Variants in TARS1 observed in about 807,000 individuals in gnomAD.
TARS1 encodes the protein threonyl-tRNA synthetase 1, also known as threonine--tRNA ligase 1, cytoplasmic.
In TARS1, 57 loss-of-function variants were observed where a neutral mutation model predicts 97.7. That is an observed-to-expected ratio of 0.58 (90% CI 0.47 to 0.73). TARS1 has a LOEUF of 0.73. Ranked by LOEUF, TARS1 falls within the 30% of genes least tolerant of loss-of-function variation. The pLI is 0.00. For synonymous variants in TARS1, 312 were observed against 293.7 expected (o/e 1.06, Z -0.64); for missense variants, 806 against 888.3 (o/e 0.91, Z 1.18).
In TARS1 at chr5:33,467,901, A is replaced by C. The variant is rs1027251109; in HGVS notation, c.*193A>C. On this transcript the variant is annotated 3_prime_UTR_variant, in exon 19 of 19. Transcript: ENST00000265112. ...CAATGTGCATTTGAAGGAGTTAATT[A>C]AAAGAGAGCCAATAAAATGATTTTA... 1.0e-4 allele frequency: 50 copies of C among 501,672 alleles called. No individual in the cohort carries two copies. The East Asian group carries it at 1.7e-3, about 17-fold the overall frequency. The allele number at this position is 501,672 out of a possible 1,614,324, so 31.1% of individuals were successfully genotyped here. A position where few individuals can be genotyped will look rare whatever the true frequency, so the allele number is the denominator to read the frequency against.
chr5:33,460,026 C>CA, intron 11 of TARS1, 165 bp downstream of exon 11: 5 of 624,748 alleles, frequency 8.0e-6, no homozygotes, highest in Non-Finnish European at 1.2e-5. Flanking sequence ...ATTAGATCCC[C>CA]ACTTTTTTTT....
intron 10 of TARS1, 30 bp downstream of exon 10, chr5:33,458,694 G>C: frequency 6.6e-7 from 1 of 1,522,804 alleles, no homozygotes. Context: ...TTCTTCTTTA[G>C]ATTTAGGATA....
chr5:33,451,581 G>C (rs1308922699), intron 3 of TARS1, among the ~76,000 whole-genome samples: 2 of 152,082 alleles, frequency 1.3e-5, no homozygotes, highest in African/African-American at 4.8e-5. Context: ...CACTGTGTTA[G>C]CCAGGATGGT....
intron 1 of TARS1, 166 bp downstream of exon 1, chr5:33,441,309 A>C: frequency 1.4e-6 from 1 of 705,514 alleles, no homozygotes. Flanking sequence ...CCCCTTTGGG[A>C]ACCATCCATT....
intron 3 of TARS1, among the ~76,000 whole-genome samples, chr5:33,450,364 C>G (rs1007270928): frequency 2.0e-5 from 3 of 152,162 alleles, no homozygotes; most frequent in African/African-American, 7.2e-5. Flanking sequence ...GTGGCTGATT[C>G]TTGGTAAGCG....
chr5:33,441,213 G>A (rs535739046), intron 1 of TARS1, 70 bp downstream of exon 1: 2 of 1,588,080 alleles, frequency 1.3e-6, no homozygotes, highest in South Asian at 1.1e-5. Flanking sequence ...CGCTCGCGGC[G>A]GGAGCGGGGG....
chr5:33,462,426 T>C (rs1041683130), intron 16 of TARS1, among the ~76,000 whole-genome samples: 22 of 152,156 alleles, frequency 1.4e-4, no homozygotes, highest in African/African-American at 5.3e-4. Flanking sequence ...CAGAACTTGA[T>C]TTGTTTGGAT....
At chr5:33,451,653 G>A (rs865966264) in intron 3 of TARS1, among the ~76,000 whole-genome samples, 2 of 152,208 alleles carry the variant, frequency 1.3e-5, no homozygotes, top group East Asian at 3.8e-4. Flanking sequence ...GATTACAGGC[G>A]TGAGCCACTG....
At position 33,461,896 on chromosome 5, in the gene TARS1, T is replaced by C. The variant is rs1742310413; in HGVS notation, c.1630-10T>C. The C allele has an allele frequency of 1.2e-6, 2 of 1,611,124 alleles. No individual in the cohort carries two copies. The highest frequency in any genetic ancestry group is 1.3e-5 in the African/African-American group (1 of 74,998). On this transcript the variant is annotated splice_polypyrimidine_tract_variant and intron_variant, in intron 14 of 18. Transcript: ENST00000265112. ...TGGCATTTTATAATAACCCAGTCTT[T>C]GCTTCTTAGATTGACATACAGATTA...
At position 33,453,300 on chromosome 5, in the gene TARS1, C is replaced by T. The variant is rs758973733; in HGVS notation, c.341C>T (p.Ala114Val). 3 of 1,580,640 alleles carry T rather than the reference C, an allele frequency of 1.9e-6. No homozygotes were observed. Among genetic ancestry groups the T allele is most frequent in the Admixed American group, 1.8e-5 (1 of 55,692 alleles). The part of the protein sequence containing the change: ...QIACGISQGL[A>V]DNTVIAKVNN... ...TTTTTTTTTTTAAGTCAAGGCCTGG[C>T]CGACAACACCGTTATTGCTAAAGTA... Residue 114 changes from alanine (A) to valine (V), a missense_variant, in exon 4 of 19, where the codon GCC becomes GTC. Coordinates refer to ENST00000265112, the MANE Select transcript of TARS1 (RefSeq NM_152295.5).
chr5:33,459,766 C>A lies in TARS1; in HGVS notation c.1155C>A (p.Thr385=), dbSNP rs111861274. The A allele has an allele frequency of 4.8e-4, 774 of 1,614,132 alleles. 2 individuals carry two copies. The African/African-American group carries it at 8.6e-3, about 18-fold the overall frequency. Residue 385 remains threonine, a synonymous_variant, in exon 11 of 19, where the codon ACC becomes ACA. Transcript: ENST00000265112. ...PNIFNSRLWM[T]SGHWQHYSEN... The stretch of plus-strand genomic sequence containing the variant: ...TCTTCAACAGCCGACTCTGGATGAC[C>A]TCGGGCCACTGGCAGCACTACAGCG...
At chr5:33,453,647 G>A (rs1741867367) in intron 4 of TARS1, among the ~76,000 whole-genome samples, 1 of 151,800 alleles carries the variant, frequency 6.6e-6, no homozygotes, top group African/African-American at 2.4e-5. Context: ...TAGGGAAAAT[G>A]TTTTGGGAAT....
At chr5:33,446,144 T>C (rs575312253) in intron 2 of TARS1, 2 of 159,822 alleles carry the variant, frequency 1.3e-5, no homozygotes, top group African/African-American at 4.8e-5. Flanking sequence ...TTTTTAGAAG[T>C]AGCACAGTAA....
At chr5:33,466,551 A>T (rs1261002574) in intron 17 of TARS1, among the ~76,000 whole-genome samples, 1 of 152,204 alleles carries the variant, frequency 6.6e-6, no homozygotes, top group Non-Finnish European at 1.5e-5. Context: ...TTGTCATGTT[A>T]ATATGTTATC....
At chr5:33,443,731 G>A (rs1741268194) in intron 1 of TARS1, among the ~76,000 whole-genome samples, 1 of 151,938 alleles carries the variant, frequency 6.6e-6, no homozygotes, top group Non-Finnish European at 1.5e-5. Context: ...TCCTGACCTC[G>A]TGATCTGCCC....
At chr5:33,447,677 T>C (rs186221573) in intron 2 of TARS1, among the ~76,000 whole-genome samples, 2 of 152,348 alleles carry the variant, frequency 1.3e-5, no homozygotes, top group Admixed American at 1.3e-4. Flanking sequence ...AAAATCTGTA[T>C]TGCAGTAAGT....
At chr5:33,460,029 T>A (rs1043373354) in intron 11 of TARS1, 168 bp downstream of exon 11, 7 of 159,044 alleles carry the variant, frequency 4.4e-5, no homozygotes, top group South Asian at 1.9e-4. Flanking sequence ...AGATCCCCAC[T>A]TTTTTTTTTT....
At chr5:33,463,477 C>A (rs1344461220) in intron 16 of TARS1, among the ~76,000 whole-genome samples, 1 of 152,188 alleles carries the variant, frequency 6.6e-6, no homozygotes, top group Non-Finnish European at 1.5e-5. Context: ...AAGTGTGAGG[C>A]CTAGTCCTAT....
intron 4 of TARS1, among the ~76,000 whole-genome samples, chr5:33,454,150 C>A (rs1741896957): frequency 6.6e-6 from 1 of 152,168 alleles, no homozygotes; most frequent in Admixed American, 6.5e-5. Context: ...TGCTGGATAA[C>A]ACTATAAAAG....
Sources: gnomAD v4.1 joint callset for allele counts (sites outside exome capture counted in the v4.1 genomes callset) on GRCh38, gnomAD v4.1.1 for gene constraint, MANE v1.5 for transcripts, NCBI Gene and HGNC (gene_info 2026-07-23, HGNC 2026-07-21) for gene names.